Variants in HSPA12A observed in about 807,000 individuals in gnomAD.
HSPA12A encodes heat shock protein family A (Hsp70) member 12A, also known as heat shock 70 kDa protein 12A.
A neutral mutation model predicts 69.2 loss-of-function variants in HSPA12A; 28 were observed. That is an observed-to-expected ratio of 0.40 (90% confidence interval 0.30 to 0.55). The LOEUF (loss-of-function observed/expected upper bound fraction) is 0.55. Ranked by LOEUF, HSPA12A falls within the 20% of genes least tolerant of loss-of-function variation. The pLI, the probability that HSPA12A is intolerant of heterozygous loss-of-function variation, is 0.38. For missense variants in HSPA12A, 686 were observed against 900.7 expected (o/e 0.76, Z 3.05); for synonymous variants, 345 against 370.5 (o/e 0.93, Z 0.79).
chr10:116,846,380 C>T (rs1283292514), intron 1 of HSPA12A, among the ~76,000 whole-genome samples: 4 of 148,074 alleles, frequency 2.7e-5, no homozygotes, highest in Middle Eastern at 3.5e-3. Flanking sequence ...TGCAGAGTCT[C>T]GCTCTGTCAC....
intron 2 of HSPA12A, among the ~76,000 whole-genome samples, chr10:116,808,166 GTT>G (rs1226503282): frequency 6.6e-6 from 1 of 152,138 alleles, no homozygotes; most frequent in African/African-American, 2.4e-5. Context: ...ATATAGAAGA[GTT>G]TGGCGAAGGG....
At chr10:116,755,471 G>A (rs899931971) in intron 2 of HSPA12A, among the ~76,000 whole-genome samples, 1 of 151,734 alleles carries the variant, frequency 6.6e-6, no homozygotes, top group African/African-American at 2.4e-5. Flanking sequence ...AACTAGCCAG[G>A]CATGGTGCTG....
intron 2 of HSPA12A, among the ~76,000 whole-genome samples, chr10:116,774,780 C>T (rs184303040): frequency 6.6e-6 from 1 of 152,310 alleles, no homozygotes; most frequent in East Asian, 1.9e-4. Context: ...GCCCACGTGG[C>T]CCTGGCCTGA....
At chr10:116,699,195 A>C (rs1466768288) in intron 4 of HSPA12A, among the ~76,000 whole-genome samples, 2 of 152,172 alleles carry the variant, frequency 1.3e-5, no homozygotes, top group Admixed American at 6.5e-5. Flanking sequence ...CGAAGCTTTC[A>C]TTCCCCATTA....
chr10:116,760,535 A>G (rs1554889176), intron 2 of HSPA12A, among the ~76,000 whole-genome samples: 1 of 152,204 alleles, frequency 6.6e-6, no homozygotes, highest in Non-Finnish European at 1.5e-5. Context: ...AAGAAAACAC[A>G]TGAATGTGCC....
intron 1 of HSPA12A, among the ~76,000 whole-genome samples, chr10:116,842,864 A>G (rs1465382886): frequency 6.6e-6 from 1 of 152,192 alleles, no homozygotes; most frequent in Non-Finnish European, 1.5e-5. Flanking sequence ...AAGTGTTGAG[A>G]TTACAGGCGT....
chr10:116,791,081 A>G (rs1287477873), intron 2 of HSPA12A, among the ~76,000 whole-genome samples: 1 of 152,172 alleles, frequency 6.6e-6, no homozygotes, highest in Admixed American at 6.5e-5. Flanking sequence ...ACTGAGTTAC[A>G]AGCTGCACAG....
chr10:116,725,904 T>A (rs7922859), intron 1 of HSPA12A, among the ~76,000 whole-genome samples: 1 of 151,792 alleles, frequency 6.6e-6, no homozygotes, highest in Non-Finnish European at 1.5e-5. Context: ...CATGCTTGCG[T>A]GCTATCTTAA....
At chr10:116,844,435 C>T (rs1385319021) in intron 1 of HSPA12A, among the ~76,000 whole-genome samples, 2 of 152,192 alleles carry the variant, frequency 1.3e-5, no homozygotes, top group Admixed American at 1.3e-4. Context: ...TATTACTTAG[C>T]ATTTAATTTA....
Position 116,681,834 on chromosome 10 carries a change from C to G in HSPA12A, c.879G>C (p.Leu293Phe), listed in dbSNP as rs1490187913. The G allele has an allele frequency of 6.2e-7, 1 of 1,614,030 alleles. No individual in the cohort carries two copies. The highest frequency in any genetic ancestry group is 1.7e-5 in the Admixed American group (1 of 60,004). The change falls in exon 8 of 12, where the codon TTG becomes TTC. Residue 293 changes from leucine (L) to phenylalanine (F), a missense_variant. Coordinates refer to ENST00000369209, the MANE Select transcript of HSPA12A (RefSeq NM_025015.3). ...AGATTTCTCCTATGACATTCTCCAC[C>G]AAAAAGGTCCGACTCTGCCGATTAC... The part of the protein sequence containing the change: ...IRRNRQSRTF[L>F]VENVIGEIWS...
intron 2 of HSPA12A, among the ~76,000 whole-genome samples, chr10:116,833,870 T>C (rs1363395860): frequency 6.6e-6 from 1 of 152,210 alleles, no homozygotes; most frequent in Non-Finnish European, 1.5e-5. Context: ...AGCATTCCCT[T>C]TCTTTTCCTA....
intron 2 of HSPA12A, among the ~76,000 whole-genome samples, chr10:116,763,911 G>A (rs1307059221): frequency 6.6e-6 from 1 of 152,172 alleles, no homozygotes; most frequent in Non-Finnish European, 1.5e-5. Flanking sequence ...AAAAGCATGA[G>A]TAAAATGTAG....
rs371161580 is a variant in HSPA12A at position 116,711,667 on chromosome 10, C to CTTTT, written c.41-4386_41-4383dup. On this transcript the variant is annotated intron_variant, in intron 1 of 11. Coordinates refer to ENST00000369209, the MANE Select transcript of HSPA12A (RefSeq NM_025015.3). ...AAACACTGACTCTTTCTTTTTTTTTCTTTTTTTTTTTTTTCGAGACTGAGT... is the reference window on the plus strand; with the variant it reads ...AAACACTGACTCTTTCTTTTTTTTTCTTTTTTTTTTTTTTTTTTCGAGACTGAGT... 1.1e-4 allele frequency among the ~76,000 whole-genome samples: 14 copies of CTTTT among 126,860 alleles called. 1 individual carries two copies. Among genetic ancestry groups the CTTTT allele is most frequent in the South Asian group, 2.5e-4 (1 of 4,008 alleles). 83.2% of individuals were successfully genotyped at this position (126,860 alleles called of 152,430 possible).
chr10:116,709,487 G>T (rs1227360434), intron 1 of HSPA12A, among the ~76,000 whole-genome samples: 1 of 151,580 alleles, frequency 6.6e-6, no homozygotes, highest in East Asian at 1.9e-4. Context: ...AACCAAATGT[G>T]GTATATCCAT....
intron 2 of HSPA12A, among the ~76,000 whole-genome samples, chr10:116,794,203 C>A (rs1056261633): frequency 6.6e-6 from 1 of 151,892 alleles, no homozygotes; most frequent in Non-Finnish European, 1.5e-5. Context: ...GAGCAAGACT[C>A]CGTCTCAAAA....
intron 1 of HSPA12A, among the ~76,000 whole-genome samples, chr10:116,738,409 C>T (rs1010859548): frequency 2.0e-5 from 3 of 152,190 alleles, no homozygotes; most frequent in Non-Finnish European, 4.4e-5. Context: ...ACATAGTCCA[C>T]GCCTTTCTCG....
intron 1 of HSPA12A, among the ~76,000 whole-genome samples, chr10:116,720,166 G>A (rs11197805): frequency 0.23 from 35,432 of 152,140 alleles, 4,759 homozygotes; most frequent in Middle Eastern, 0.41. Context: ...GCTAGAATCA[G>A]CCTTGTAAGG....
In HSPA12A at chr10:116,785,348, C is replaced by T. The variant is rs144901250; in HGVS notation, c.91+49587G>A. Among the ~76,000 whole-genome samples, 601 of 152,246 alleles carry T rather than the reference C, an allele frequency of 3.9e-3. 6 individuals are homozygous for T. The highest frequency in any genetic ancestry group is 0.017 in the Middle Eastern group (5 of 292). On this transcript the variant is annotated intron_variant, in intron 2 of 12. Transcript: ENST00000635765. ...AGTGCTGCTGTGGAGGAAGGAGGAA[C>T]GGCCCCGACCCAGGCCTGCCAGTGG...
intron 2 of HSPA12A, among the ~76,000 whole-genome samples, chr10:116,800,268 T>C (rs1210080661): frequency 6.6e-6 from 1 of 152,102 alleles, no homozygotes; most frequent in Non-Finnish European, 1.5e-5. Context: ...GGCCCCAGCC[T>C]CTCCCCCAAC....
Sources: allele counts gnomAD v4.1 joint callset (sites outside exome capture counted in the v4.1 genomes callset), GRCh38; gene constraint gnomAD v4.1.1; transcripts MANE v1.5; gene names NCBI Gene and HGNC (gene_info 2026-07-23, HGNC 2026-07-21).